The following PRKN variants were observed in gnomAD, a reference collection of about 807,000 sequenced individuals.
The protein encoded by PRKN is E3 ubiquitin-protein ligase parkin.
Under a neutral mutation model 59.5 loss-of-function variants are expected in PRKN, and 56 were observed. That is an observed-to-expected ratio of 0.94 (90% CI 0.76 to 1.18). The LOEUF is 1.18. Ranked by LOEUF, PRKN falls within the 50% of genes most tolerant of loss-of-function variation. The pLI, the probability that PRKN is intolerant of heterozygous loss-of-function variation, is 0.00. For missense variants in PRKN, 657 were observed against 596.4 expected, an observed-to-expected ratio of 1.10 and a Z score of -1.06; for synonymous variants, 250 against 222.1, an observed-to-expected ratio of 1.13 and a Z score of -1.12.
Position 162,668,905 on chromosome 6 carries a change from G to A in PRKN, c.7+58757C>T, listed in dbSNP as rs180932902. 8.5e-5 allele frequency among the ~76,000 whole-genome samples: 13 copies of A among 152,250 alleles called. No individual in the cohort carries two copies. The East Asian group carries it at 2.1e-3, about 25-fold the overall frequency. On this transcript the variant is annotated intron_variant, in intron 1 of 11. Transcript: ENST00000366898. ...CTGAGAGTGGATGATAATGATGATGGTGGTGGCCCTGGTGGTGGTGGTAAC... is the reference window on the plus strand; with the variant it reads ...CTGAGAGTGGATGATAATGATGATGATGGTGGCCCTGGTGGTGGTGGTAAC...
At chr6:162,047,162 A>G (rs1032166504) in intron 5 of PRKN, among the ~76,000 whole-genome samples, 1 of 152,156 alleles carries the variant, frequency 6.6e-6, no homozygotes, top group Non-Finnish European at 1.5e-5. Context: ...GACTGTGGGG[A>G]CCAACGTAAG....
intron 5 of PRKN, among the ~76,000 whole-genome samples, chr6:162,022,812 T>G (rs187176157): frequency 3.3e-5 from 5 of 152,302 alleles, no homozygotes; most frequent in East Asian, 3.9e-4. Context: ...AAGTCTTTAA[T>G]CCATCTTGAG....
At chr6:161,875,679 AC>A (rs1794708268) in intron 6 of PRKN, among the ~76,000 whole-genome samples, 1 of 152,136 alleles carries the variant, frequency 6.6e-6, no homozygotes, top group South Asian at 2.1e-4. Context: ...CCGTTTTGAC[AC>A]AGGAGGAACT....
chr6:161,948,447 T>C (rs1779863032), intron 6 of PRKN, among the ~76,000 whole-genome samples: 2 of 152,192 alleles, frequency 1.3e-5, no homozygotes, highest in Admixed American at 1.3e-4. Context: ...GTGAACATAG[T>C]TCAAGTCTAC....
chr6:161,460,602 C>G lies in PRKN; in HGVS notation c.1084-73725G>C, dbSNP rs963119599. On this transcript the variant is annotated intron_variant, in intron 9 of 11. Coordinates refer to ENST00000366898, the MANE Select transcript of PRKN (RefSeq NM_004562.3). The surrounding 1 kb of genome is among the most constrained non-coding windows in gnomAD (Gnocchi z 5.0). ...GGTGCCACATGTGCTGGCAGGAGTT[C>G]CGGGGGCACAAGGCCAAGCTGAAGA... Among the ~76,000 whole-genome samples, 1 of 152,084 alleles carries G rather than the reference C, an allele frequency of 6.6e-6. No individual in the cohort carries two copies. Among genetic ancestry groups the G allele is most frequent in the Admixed American group, 6.5e-5 (1 of 15,280 alleles).
intron 1 of PRKN, among the ~76,000 whole-genome samples, chr6:162,701,269 T>C (rs1778142262): frequency 6.6e-6 from 1 of 152,098 alleles, no homozygotes; most frequent in Admixed American, 6.6e-5. Flanking sequence ...TAAAAAGCAA[T>C]GCTTAAAAGA....
chr6:162,476,136 C>T (rs1792002904), intron 1 of PRKN, among the ~76,000 whole-genome samples: 1 of 149,650 alleles, frequency 6.7e-6, no homozygotes, highest in South Asian at 2.1e-4. Context: ...CAGCTCACTG[C>T]AACCTCCGCC....
chr6:161,463,311 A>C lies in PRKN; in HGVS notation c.1084-76434T>G, dbSNP rs1394387615. On this transcript the variant is annotated intron_variant, in intron 9 of 11. Coordinates refer to ENST00000366898, the MANE Select transcript of PRKN (RefSeq NM_004562.3). This position sits in a 1 kb window ranked among gnomAD's most constrained non-coding sequence, Gnocchi z 4.8. The stretch of plus-strand genomic sequence containing the variant: ...GGATGCCAAAACTTTCCCAGCTTTC[A>C]GAATGACGACTGTTTGGTTCTACCT... 6.6e-6 allele frequency among the ~76,000 whole-genome samples: 1 copy of C among 152,208 alleles called. No individual in the cohort carries two copies. The highest frequency in any genetic ancestry group is 1.5e-5 in the Non-Finnish European group (1 of 68,034).
rs1400369550 is a variant in PRKN at position 161,363,662 on chromosome 6, C to T, written c.1168-3457G>A. On this transcript the variant is annotated intron_variant, in intron 10 of 11. Coordinates refer to ENST00000366898, the MANE Select transcript of PRKN (RefSeq NM_004562.3). This position sits in a 1 kb window ranked among gnomAD's most constrained non-coding sequence, Gnocchi z 4.1. ...AGTGGCAAAAAAACACACAAATTAT[C>T]TACAAAGAAGTTACAATTATTCCCC... 1.3e-5 allele frequency among the ~76,000 whole-genome samples: 2 copies of T among 152,136 alleles called. No homozygotes were observed. The highest frequency in any genetic ancestry group is 3.9e-4 in the East Asian group (2 of 5,192).
At position 161,413,320 on chromosome 6, in the gene PRKN, C is replaced by A. The variant is rs773014895; in HGVS notation, c.1084-26443G>T. ...CACTGCCAGGGTCCTGTCCTCCCTC[C>A]GCTTTCCCTTCACTTCCTGAGTCTC... is the stretch of plus-strand genomic sequence containing the variant. On this transcript the variant is annotated intron_variant, in intron 9 of 11. Coordinates refer to ENST00000366898, the MANE Select transcript of PRKN (RefSeq NM_004562.3). The surrounding 1 kb of genome is among the most constrained non-coding windows in gnomAD (Gnocchi z 4.4). Among the ~76,000 whole-genome samples, 1 of 152,176 alleles carries A rather than the reference C, an allele frequency of 6.6e-6. No individual in the cohort carries two copies. The highest frequency in any genetic ancestry group is 6.5e-5 in the Admixed American group (1 of 15,268).
In PRKN at chr6:161,386,631, G is replaced by T. The variant is rs1269391584; in HGVS notation, c.1167+163C>A. On this transcript the variant is annotated intron_variant, in intron 10 of 11. Transcript: ENST00000366898. The surrounding 1 kb of genome is among the most constrained non-coding windows in gnomAD (Gnocchi z 4.3). ...AAGTCTACACTGTGCCCCAAGGAGG[G>T]GAGTCATTCTGGGAGAAGCCACGGC... Among the ~76,000 whole-genome samples, 1 of 152,180 alleles carries T rather than the reference G, an allele frequency of 6.6e-6. No individual in the cohort carries two copies. Among genetic ancestry groups the T allele is most frequent in the African/African-American group, 2.4e-5 (1 of 41,448 alleles).
At chr6:161,742,949 T>G (rs79134877) in intron 7 of PRKN, among the ~76,000 whole-genome samples, 3,947 of 152,246 alleles carry the variant, frequency 0.026, 182 homozygotes, top group African/African-American at 0.091. Context: ...TGGTTCCTGG[T>G]CTTTCCTGCT....
intron 6 of PRKN, among the ~76,000 whole-genome samples, chr6:161,825,334 C>A (rs1792195417): frequency 7.1e-6 from 1 of 141,270 alleles, no homozygotes; most frequent in Non-Finnish European, 1.6e-5. Flanking sequence ...TATAGTAATA[C>A]TTTTGCATTC....
At chr6:161,812,021 G>C (rs1791584722) in intron 6 of PRKN, among the ~76,000 whole-genome samples, 1 of 151,944 alleles carries the variant, frequency 6.6e-6, no homozygotes, top group Non-Finnish European at 1.5e-5. Flanking sequence ...ACAATTTCTA[G>C]ATAAGATAAA....
At chr6:161,380,950 CCA>C (rs774089172) in intron 10 of PRKN, among the ~76,000 whole-genome samples, 28 of 152,152 alleles carry the variant, frequency 1.8e-4, no homozygotes, top group Non-Finnish European at 3.4e-4. Flanking sequence ...CATGCCCACT[CCA>C]GTTTGCCACA....
intron 6 of PRKN, among the ~76,000 whole-genome samples, chr6:161,803,600 G>T (rs759963790): frequency 1.3e-5 from 2 of 152,200 alleles, no homozygotes; most frequent in Admixed American, 1.3e-4. Flanking sequence ...GCTCAACTCG[G>T]GTGGAGCCGA....
At chr6:161,441,360 C>T (rs752072485) in intron 9 of PRKN, among the ~76,000 whole-genome samples, 4 of 152,238 alleles carry the variant, frequency 2.6e-5, no homozygotes, top group Non-Finnish European at 5.9e-5. Flanking sequence ...AGTCTGGGGT[C>T]CTGTCCAGGT....
chr6:161,637,553 C>T (rs6901169), intron 7 of PRKN, among the ~76,000 whole-genome samples: 97,869 of 152,010 alleles, frequency 0.64, 32,878 homozygotes, highest in African/African-American at 0.83. Context: ...GGCTGCAGCA[C>T]GACCTGCCTT....
rs565312859 is a variant in PRKN at position 161,533,160 on chromosome 6, TC to T, written c.1083+15693del. Among the ~76,000 whole-genome samples the T allele has an allele frequency of 2.2e-3, 337 of 152,270 alleles. No homozygotes were observed. The highest frequency in any genetic ancestry group is 6.8e-3 in the Middle Eastern group (2 of 294). On this transcript the variant is annotated intron_variant, in intron 9 of 11. Coordinates refer to ENST00000366898, the MANE Select transcript of PRKN (RefSeq NM_004562.3). This position sits in a 1 kb window ranked among gnomAD's most constrained non-coding sequence, Gnocchi z 4.1. ...AATAATCTCTAAAATAAAAGAATGATCTAAATCTTCCACATCCCTGAGGTAT... is the reference window on the plus strand; with the variant it reads ...AATAATCTCTAAAATAAAAGAATGATTAAATCTTCCACATCCCTGAGGTAT...
Sources: gnomAD v4.1 joint callset for allele counts (sites outside exome capture counted in the v4.1 genomes callset) on GRCh38, gnomAD v4.1.1 for gene constraint, Gnocchi (gnomAD v3.1) non-coding constraint, MANE v1.5 for transcripts, NCBI Gene and HGNC (gene_info 2026-07-23, HGNC 2026-07-21) for gene names.